DYNC2I1: variants seen among roughly 807,000 people sequenced by gnomAD.
DYNC2I1 encodes dynein 2 intermediate chain 1.
A neutral mutation model predicts 133.4 loss-of-function variants in DYNC2I1; 89 were observed. The ratio of observed to expected loss-of-function variants is 0.67; its 90% confidence interval spans 0.56 to 0.80. The LOEUF (loss-of-function observed/expected upper bound fraction) is 0.80. DYNC2I1 is among the 30% of genes least tolerant of loss of function. The pLI, the probability that DYNC2I1 is intolerant of heterozygous loss-of-function variation, is 0.00. For missense variants in DYNC2I1, 1,291 were observed against 1,314.5 expected, an observed-to-expected ratio of 0.98 and a Z score of 0.28; for synonymous variants, 504 against 484.3, an observed-to-expected ratio of 1.04 and a Z score of -0.54.
At chr7:158,940,558 A>T (rs1422482071) in intron 23 of DYNC2I1, among the ~76,000 whole-genome samples, 2 of 152,226 alleles carry the variant, frequency 1.3e-5, no homozygotes, top group Non-Finnish European at 2.9e-5. Context: ...AGCACATGAG[A>T]CATCATCCAG....
intron 8 of DYNC2I1, among the ~76,000 whole-genome samples, chr7:158,899,503 C>T (rs1846043651): frequency 6.6e-6 from 1 of 152,058 alleles, no homozygotes; most frequent in African/African-American, 2.4e-5. Context: ...TTTATATAGA[C>T]CCAAGTTTCT....
At chr7:158,949,849 G>T (rs1037898605), downstream of DYNC2I1, among the ~76,000 whole-genome samples, 1 of 150,636 alleles carries the variant, frequency 6.6e-6, no homozygotes, top group African/African-American at 2.4e-5. Flanking sequence ...TCGCCTCACC[G>T]CAACCTCCGC....
chr7:158,865,285 C>T (rs1447634414), intron 1 of DYNC2I1, among the ~76,000 whole-genome samples: 2 of 152,276 alleles, frequency 1.3e-5, no homozygotes, highest in Admixed American at 6.5e-5. Flanking sequence ...TCCCTTGAAG[C>T]CCTGCATTGA....
intron 8 of DYNC2I1, among the ~76,000 whole-genome samples, chr7:158,891,674 C>A (rs2129482414): frequency 6.6e-6 from 1 of 152,258 alleles, no homozygotes; most frequent in South Asian, 2.1e-4. Flanking sequence ...AACAGACAGC[C>A]TTCCCATTGT....
intron 14 of DYNC2I1, among the ~76,000 whole-genome samples, chr7:158,915,436 GAGATTAAGGATGATTGTGAA>G (rs1848020908): frequency 1.3e-5 from 2 of 149,260 alleles, no homozygotes; most frequent in African/African-American, 2.5e-5. Context: ...CACGCTGGTT[GAGATTAAGGATGATTGTGAA>G]ACGTCGACAC....
rs530056326 is a variant in DYNC2I1 at position 158,856,746 on chromosome 7, G to T, written c.11G>T (p.Gly4Val). 7.3e-6 allele frequency: 9 copies of T among 1,234,804 alleles called. No homozygotes were observed. Among genetic ancestry groups the T allele is most frequent in the Non-Finnish European group, 9.1e-6 (9 of 987,046 alleles). The allele number at this position is 1,234,804 out of a possible 1,614,324, so 76.5% of individuals were successfully genotyped here. A position where few individuals can be genotyped will look rare whatever the true frequency, so the allele number is the denominator to read the frequency against. Residue 4 changes from glycine (G) to valine (V), a missense_variant, in exon 1 of 25, where the codon GGG becomes GTG. Physicochemically the swap from Gly to Val is moderately radical, Grantham distance 109. Transcript: ENST00000407559. ...GGCCTGCGGGAAGCGATGGAGCCCG[G>T]GAAGGTCGGTGCGGCGCTGGGTCTG... MEP[G>V]KRRTKDDTWK...
At position 158,913,040 on chromosome 7, in the gene DYNC2I1, T is replaced by C; in HGVS notation, c.1646T>C (p.Ile549Thr). 6.2e-7 allele frequency: 1 copy of C among 1,613,622 alleles called. No homozygotes were observed. Among genetic ancestry groups the C allele is most frequent in the South Asian group, 1.1e-5 (1 of 91,004 alleles). ...GAAAGAGACATTCAAACGGAGGAAA[T>C]AGAGACCAGGGAAGTGTGGACCCAG... ...NVERDIQTEEIETREVWTQHP... is the reference protein window; with the variant it reads ...NVERDIQTEETETREVWTQHP... Residue 549 changes from isoleucine (I) to threonine (T), a missense_variant, in exon 13 of 25, where the codon ATA (isoleucine) becomes ACA (threonine). Physicochemically the swap from Ile to Thr is moderately conservative, Grantham distance 89 (BLOSUM62 -1). Transcript: ENST00000407559.
At position 158,941,812 on chromosome 7, in the gene DYNC2I1, A is replaced by G. The variant is rs1051256865; in HGVS notation, c.2779-113A>G. ...AGGATTGATTGAGCCCGGGAGGTCAAGCTGCCATGAGCTGTGATTGCACCA... is the reference window on the plus strand; with the variant it reads ...AGGATTGATTGAGCCCGGGAGGTCAGGCTGCCATGAGCTGTGATTGCACCA... On this transcript the variant is annotated intron_variant, in intron 23 of 24. Transcript: ENST00000407559. 10 of 1,266,632 alleles carry G rather than the reference A, an allele frequency of 7.9e-6. No homozygotes were observed. The African/African-American group carries it at 1.2e-4, about 15-fold the overall frequency. 78.5% of individuals were successfully genotyped at this position (1,266,632 alleles called of 1,614,324 possible). A position where few individuals can be genotyped will look rare whatever the true frequency, so the allele number is the denominator to read the frequency against.
At chr7:158,875,851 C>T (rs936414162) in intron 3 of DYNC2I1, among the ~76,000 whole-genome samples, 2 of 152,204 alleles carry the variant, frequency 1.3e-5, no homozygotes, top group Non-Finnish European at 2.9e-5. Flanking sequence ...GGCTGGTTCT[C>T]CTGTTCAGAC....
intron 3 of DYNC2I1, among the ~76,000 whole-genome samples, chr7:158,873,359 G>A (rs1255372602): frequency 2.0e-5 from 3 of 152,196 alleles, no homozygotes; most frequent in South Asian, 4.1e-4. Context: ...GGATGGAAAC[G>A]AAGGGCCTTT....
chr7:158,878,409 GC>G (rs1843601505), intron 4 of DYNC2I1, among the ~76,000 whole-genome samples: 2 of 137,978 alleles, frequency 1.4e-5, no homozygotes, highest in Admixed American at 7.3e-5. Context: ...ATGTGGGGAG[GC>G]CAGGAGGGCC....
rs73167269 is a variant in DYNC2I1, at chr7:158,895,136, A to G, written c.1059+3803A>G. On this transcript the variant is annotated intron_variant, in intron 8 of 24. Coordinates refer to ENST00000407559, the MANE Select transcript of DYNC2I1 (RefSeq NM_018051.5). ...GTTGACATTGTCTCTTACAGAACAG[A>G]AGTTTTTAATTTTTATGAAGTCCAG... is the stretch of plus-strand genomic sequence containing the variant. Among the ~76,000 whole-genome samples the G allele has an allele frequency of 2.4e-3, 367 of 152,296 alleles. 1 individual carries two copies. The highest frequency in any genetic ancestry group is 3.5e-3 in the Non-Finnish European group (237 of 68,030).
chr7:158,923,443 A>G (rs1849287173), intron 16 of DYNC2I1, 128 bp from the exon 17 acceptor site: 1 of 1,233,670 alleles, frequency 8.1e-7, no homozygotes, highest in East Asian at 2.4e-5. Flanking sequence ...CGTTCTGCTT[A>G]CTGGGCCCTG....
chr7:158,841,207 A>G, the DYNC2I1 span, among the ~76,000 whole-genome samples: 1 of 39,734 alleles, frequency 2.5e-5, no homozygotes, highest in East Asian at 9.9e-4. Context: ...ATATATATAT[A>G]TATATATATA....
intron 8 of DYNC2I1, among the ~76,000 whole-genome samples, chr7:158,895,255 T>C (rs1585068608): frequency 6.6e-6 from 1 of 152,370 alleles, no homozygotes; most frequent in South Asian, 2.1e-4. Flanking sequence ...TCCTGTGCTA[T>C]TTCCTAAGAG....
chr7:158,949,664 G>A (rs1409972192), downstream of DYNC2I1, among the ~76,000 whole-genome samples: 1 of 152,220 alleles, frequency 6.6e-6, no homozygotes, highest in South Asian at 2.1e-4. Context: ...TTCAGGGAAA[G>A]GAGCGGAAAG....
At chr7:158,912,310 T>A (rs1476850755) in intron 12 of DYNC2I1, among the ~76,000 whole-genome samples, 1 of 152,230 alleles carries the variant, frequency 6.6e-6, no homozygotes, top group Non-Finnish European at 1.5e-5. Flanking sequence ...AAGTCAGACG[T>A]CTTATCTAAC....
At chr7:158,934,317 C>T (rs960029185) in intron 22 of DYNC2I1, 89 bp downstream of exon 22, 32 of 1,428,706 alleles carry the variant, frequency 2.2e-5, no homozygotes, top group African/African-American at 5.0e-5. Context: ...GATTAACTTA[C>T]TCTTTTCTTT....
chr7:158,905,230 T>C, intron 10 of DYNC2I1: 1 of 370,816 alleles, frequency 2.7e-6, no homozygotes, highest in Non-Finnish European at 5.2e-6. Flanking sequence ...AACCTTCATT[T>C]CCTGGATTCA....
Sources: allele counts gnomAD v4.1 joint callset (sites outside exome capture counted in the v4.1 genomes callset), GRCh38; gene constraint gnomAD v4.1.1; transcripts MANE v1.5; gene names NCBI Gene and HGNC (gene_info 2026-07-23, HGNC 2026-07-21).